PDILT: variants seen among roughly 807,000 people sequenced by gnomAD.
PDILT encodes the protein protein disulfide isomerase like, testis expressed.
In PDILT, 43 loss-of-function variants were observed where a neutral mutation model predicts 53.7. The ratio of observed to expected loss-of-function variants is 0.80; its 90% confidence interval spans 0.63 to 1.03. The LOEUF (loss-of-function observed/expected upper bound fraction) is 1.03. Ranked by LOEUF, PDILT falls within the 50% of genes least tolerant of loss-of-function variation. The pLI, the probability that PDILT is intolerant of heterozygous loss-of-function variation, is 0.00. For synonymous variants in PDILT, 282 were observed against 274.2 expected, an observed-to-expected ratio of 1.03 and a Z score of -0.28; for missense variants, 727 against 712.3, an observed-to-expected ratio of 1.02 and a Z score of -0.24.
chr16:20,377,286 T>C (rs1007339666), intron 3 of PDILT, among the ~76,000 whole-genome samples: 5 of 152,144 alleles, frequency 3.3e-5, no homozygotes, highest in Non-Finnish European at 7.4e-5. Context: ...AATAAATAAA[T>C]AAATTTATGA....
At chr16:20,397,130 C>G (rs1966671751) in intron 2 of PDILT, among the ~76,000 whole-genome samples, 1 of 152,074 alleles carries the variant, frequency 6.6e-6, no homozygotes. Context: ...TATGTATGTA[C>G]ATATTTATTT....
chr16:20,363,443 C>T (rs1203557744), intron 9 of PDILT, among the ~76,000 whole-genome samples: 1 of 148,534 alleles, frequency 6.7e-6, no homozygotes, highest in African/African-American at 2.5e-5. Flanking sequence ...AATGTTCTTC[C>T]AAAAAGTGTG....
intron 8 of PDILT, among the ~76,000 whole-genome samples, chr16:20,367,903 C>T (rs112993578): frequency 0.014 from 2,149 of 152,142 alleles, 45 homozygotes; most frequent in African/African-American, 0.049. Context: ...GGGGGTTCAA[C>T]CAGAGTTGGA....
At chr16:20,387,146 T>C (rs536510036) in intron 2 of PDILT, among the ~76,000 whole-genome samples, 1 of 152,306 alleles carries the variant, frequency 6.6e-6, no homozygotes, top group African/African-American at 2.4e-5. Context: ...GGATTGGGGA[T>C]ATAACAGTGA....
intron 2 of PDILT, among the ~76,000 whole-genome samples, chr16:20,394,539 A>G (rs1378536587): frequency 6.6e-6 from 1 of 152,236 alleles, no homozygotes. Context: ...ATGTGGGTAG[A>G]AATGATGTAC....
At chr16:20,365,161 G>T (rs1289077452) in intron 9 of PDILT, among the ~76,000 whole-genome samples, 2 of 152,224 alleles carry the variant, frequency 1.3e-5, no homozygotes, top group African/African-American at 2.4e-5. Context: ...TCAGCCATGA[G>T]CATTATTGTT....
At chr16:20,378,915 C>T (rs1966423198) in intron 3 of PDILT, among the ~76,000 whole-genome samples, 1 of 152,146 alleles carries the variant, frequency 6.6e-6, no homozygotes, top group Non-Finnish European at 1.5e-5. Context: ...GATTCAGCCA[C>T]AGTTTTTCAT....
chr16:20,369,395 T>A, intron 8 of PDILT, 97 bp downstream of exon 8: 1 of 1,344,142 alleles, frequency 7.4e-7, no homozygotes, highest in Non-Finnish European at 1.1e-6. Flanking sequence ...TTATTCTGCC[T>A]CCACATACAG....
chr16:20,366,973 TTCCTTC>T lies in PDILT; in HGVS notation c.1117-1439_1117-1434del, dbSNP rs1567320330. Among the ~76,000 whole-genome samples, 21 of 86,494 alleles carry T rather than the reference TTCCTTC, an allele frequency of 2.4e-4. 1 individual carries two copies. The highest frequency in any genetic ancestry group is 4.7e-4 in the African/African-American group (15 of 31,640). 56.7% of individuals were successfully genotyped at this position (86,494 alleles called of 152,430 possible). On this transcript the variant is annotated intron_variant, in intron 8 of 11. Coordinates refer to ENST00000302451, the MANE Select transcript of PDILT (RefSeq NM_174924.2). ...CTTCCTTCCTTCCTTCCTTCCTTCC[TTCCTTC>T]CTTCCTTCCTTTCTTTCTTTCTTTA... is the stretch of plus-strand genomic sequence containing the variant.
intron 3 of PDILT, among the ~76,000 whole-genome samples, chr16:20,382,578 G>C (rs1966475574): frequency 2.0e-5 from 3 of 152,172 alleles, no homozygotes; most frequent in Non-Finnish European, 2.9e-5. Context: ...CTACCTTTCT[G>C]TGCCTCAGTT....
rs1966424702 is a variant in PDILT, at chr16:20,379,021, T to C, written c.410-2820A>G. Among the ~76,000 whole-genome samples, 4 of 110,080 alleles carry C rather than the reference T, an allele frequency of 3.6e-5. No homozygotes were observed. In the South Asian group the frequency reaches 1.2e-3, roughly 33 times the overall value. The allele number at this position is 110,080 out of a possible 152,430, so 72.2% of individuals were successfully genotyped here. ...TTTAGTTGCTCTCATTTTAGGGCATTTTTTTTTTTTGAGACAGTTTATCCT... is the reference window on the plus strand; with the variant it reads ...TTTAGTTGCTCTCATTTTAGGGCATCTTTTTTTTTTGAGACAGTTTATCCT... On this transcript the variant is annotated intron_variant, in intron 3 of 11. Transcript: ENST00000302451.
intron 1 of PDILT, 84 bp from the exon 2 acceptor site, chr16:20,399,391 TG>T: frequency 6.9e-7 from 1 of 1,448,234 alleles, no homozygotes; most frequent in South Asian, 1.2e-5. Flanking sequence ...CTTGTCCAGC[TG>T]GTCCATGTAG....
At chr16:20,374,219 A>G (rs774568265) in intron 5 of PDILT, among the ~76,000 whole-genome samples, 4 of 152,216 alleles carry the variant, frequency 2.6e-5, no homozygotes, top group South Asian at 2.1e-4. Context: ...GATGGTATCA[A>G]TAAAGATAGA....
At chr16:20,379,352 C>T (rs1034246703) in intron 3 of PDILT, among the ~76,000 whole-genome samples, 1 of 152,040 alleles carries the variant, frequency 6.6e-6, no homozygotes, top group Non-Finnish European at 1.5e-5. Flanking sequence ...TTTTTAGTAT[C>T]AGTAGAGACA....
chr16:20,403,674 C>T (rs543333466), intron 1 of PDILT, among the ~76,000 whole-genome samples: 1 of 151,904 alleles, frequency 6.6e-6, no homozygotes, highest in East Asian at 1.9e-4. Flanking sequence ...AAGCTTCTGC[C>T]TCTTTTTTTT....
chr16:20,362,442 A>G lies in PDILT; in HGVS notation c.1378T>C (p.Tyr460His). Reference protein sequence around the residue: ...NDIQLMYLDRYPFFRLFPSGS... With the variant: ...NDIQLMYLDRHPFFRLFPSGS... ...CTGGGGAACAGCCTGAAGAATGGGT[A>G]CCGGTCCAGGTACATCAGCTGAATG... Residue 460 changes from tyrosine (Y) to histidine (H), a missense_variant, in exon 10 of 12, where the codon TAC (tyrosine) becomes CAC (histidine). Physicochemically the swap from Tyr to His is moderately conservative, Grantham distance 83. Transcript: ENST00000302451. The G allele has an allele frequency of 6.2e-7, 1 of 1,614,210 alleles. No homozygotes were observed. The highest frequency in any genetic ancestry group is 2.2e-5 in the East Asian group (1 of 44,888).
chr16:20,381,506 C>T (rs1356337842), intron 3 of PDILT, among the ~76,000 whole-genome samples: 4 of 151,874 alleles, frequency 2.6e-5, no homozygotes, highest in Non-Finnish European at 4.4e-5. Context: ...AGTGGTGGCA[C>T]ATGCCTGTAG....
chr16:20,361,760 TCC>T (rs1271132956), intron 10 of PDILT, among the ~76,000 whole-genome samples: 2 of 152,222 alleles, frequency 1.3e-5, no homozygotes, highest in East Asian at 3.9e-4. Flanking sequence ...CTGATTTAAG[TCC>T]CCACCATTCT....
intron 3 of PDILT, among the ~76,000 whole-genome samples, chr16:20,382,932 G>A (rs1024724384): frequency 2.6e-5 from 4 of 152,220 alleles, no homozygotes; most frequent in African/African-American, 9.6e-5. Flanking sequence ...TAGAGAACAA[G>A]CAATAAGTAG....
Sources: gnomAD v4.1 joint callset for allele counts (sites outside exome capture counted in the v4.1 genomes callset) on GRCh38, gnomAD v4.1.1 for gene constraint, MANE v1.5 for transcripts, NCBI Gene and HGNC (gene_info 2026-07-23, HGNC 2026-07-21) for gene names.